STAT5B: variants seen among roughly 807,000 people sequenced by gnomAD.
STAT5B encodes the protein signal transducer and activator of transcription 5B, also known as transcription factor STAT5B.
A neutral mutation model predicts 107.8 loss-of-function variants in STAT5B; 21 were observed. That is an observed-to-expected ratio of 0.19 (90% CI 0.14 to 0.28). The LOEUF is 0.28. Ranked by LOEUF, STAT5B falls within the 10% of genes least tolerant of loss-of-function variation. The pLI, the probability that STAT5B is intolerant of heterozygous loss-of-function variation, is 1.00. For missense variants in STAT5B, 565 were observed against 1,008.2 expected (o/e 0.56, Z 5.95); for synonymous variants, 325 against 401.7 (o/e 0.81, Z 2.28).
rs780188398 is a variant in STAT5B at position 42,232,167 on chromosome 17, GT to G, written c.-10-31del. The G allele has an allele frequency of 2.5e-6, 4 of 1,604,436 alleles. No homozygotes were observed. The African/African-American group carries it at 4.0e-5, about 16-fold the overall frequency. On this transcript the variant is annotated intron_variant, in intron 1 of 18. Transcript: ENST00000293328. ...TGAACAAACAATCAGTGCTTTGGGC[GT>G]TTTTTCTTTATTTTCCCCTTACATC...
At chr17:42,204,300 TG>T (rs2080069354) in intron 16 of STAT5B, among the ~76,000 whole-genome samples, 1 of 152,110 alleles carries the variant, frequency 6.6e-6, no homozygotes, top group East Asian at 1.9e-4. Flanking sequence ...GGTAAGCAGG[TG>T]GTAAGAATGT....
chr17:42,212,681 A>C (rs1050484436), intron 12 of STAT5B, among the ~76,000 whole-genome samples: 7 of 152,266 alleles, frequency 4.6e-5, no homozygotes, highest in Non-Finnish European at 4.4e-5. Flanking sequence ...GGAAGAGTGG[A>C]AATTTTGAGT....
At chr17:42,277,955 A>G (rs1199229419), upstream of STAT5B, among the ~76,000 whole-genome samples, 2 of 151,712 alleles carry the variant, frequency 1.3e-5, no homozygotes, top group African/African-American at 2.4e-5. Context: ...ACGGGGTTTC[A>G]CCATGTTGGC....
At chr17:42,212,623 C>T (rs577603168) in intron 12 of STAT5B, among the ~76,000 whole-genome samples, 3 of 152,332 alleles carry the variant, frequency 2.0e-5, no homozygotes, top group East Asian at 1.9e-4. Context: ...TCATTGCCCT[C>T]GACTCCTTCT....
At chr17:42,281,393 G>T (rs2080795229), upstream of STAT5B, among the ~76,000 whole-genome samples, 1 of 152,132 alleles carries the variant, frequency 6.6e-6, no homozygotes. Context: ...ATACCCTTTT[G>T]AATCTTTTGT....
At chr17:42,224,981 T>C in intron 3 of STAT5B, 113 bp from the exon 4 acceptor site, 1 of 959,390 alleles carries the variant, frequency 1.0e-6, no homozygotes, top group Non-Finnish European at 1.7e-6. Context: ...GGAGGCACTG[T>C]TCCTCCAATA....
chr17:42,284,212 T>C, the STAT5B span, among the ~76,000 whole-genome samples: 1 of 151,254 alleles, frequency 6.6e-6, no homozygotes, highest in Admixed American at 6.6e-5. Context: ...GCAGACCTGA[T>C]CGTCAAGGGC....
chr17:42,263,003 TATATATATATATA>T (rs1567677410), intron 1 of STAT5B, among the ~76,000 whole-genome samples: 4 of 48,152 alleles, frequency 8.3e-5, no homozygotes, highest in African/African-American at 4.5e-4. Flanking sequence ...TATATATATA[TATATATATATATA>T]AAAAAACAAA....
At chr17:42,202,636 C>T (rs950797013) in intron 17 of STAT5B, 121 bp downstream of exon 17, 2 of 1,557,944 alleles carry the variant, frequency 1.3e-6, no homozygotes, top group East Asian at 4.5e-5. Context: ...CCAGGTCCTT[C>T]CCCAGGGCTG....
At chr17:42,272,129 C>G (rs930854011) in intron 1 of STAT5B, 2 of 152,154 alleles carry the variant, frequency 1.3e-5, no homozygotes, top group Non-Finnish European at 2.9e-5. Flanking sequence ...CTTAACTCAT[C>G]CTGCAACATT....
At chr17:42,243,048 G>C (rs929725872) in intron 1 of STAT5B, among the ~76,000 whole-genome samples, 6 of 151,372 alleles carry the variant, frequency 4.0e-5, no homozygotes, top group South Asian at 4.2e-4. Flanking sequence ...TTGTTTATCT[G>C]CTGACCTTCC....
intron 6 of STAT5B, 34 bp downstream of exon 6, chr17:42,219,677 AC>A: frequency 1.3e-6 from 2 of 1,583,178 alleles, no homozygotes; most frequent in Non-Finnish European, 1.7e-6. Flanking sequence ...ACTTCATGGC[AC>A]CCACGCCCAG....
intron 2 of STAT5B, among the ~76,000 whole-genome samples, chr17:42,230,666 TG>T (rs1232962338): frequency 2.6e-5 from 4 of 152,004 alleles, no homozygotes; most frequent in South Asian, 4.1e-4. Context: ...CGTTTAGTTT[TG>T]TTTTTTTTTT....
In STAT5B at chr17:42,218,615, G is replaced by C. The variant is rs548395782; in HGVS notation, c.989+108C>G. 2.7e-4 allele frequency: 429 copies of C among 1,587,356 alleles called. 7 individuals carry two copies. The East Asian group carries it at 9.2e-3, about 34-fold the overall frequency. On this transcript the variant is annotated intron_variant, in intron 8 of 18. Transcript: ENST00000293328. ...AGCAACTGGAGATGGAGTTGGGAGG[G>C]ATGAGAGGCAGGAAGTGGATCTGCT...
At chr17:42,258,702 A>G (rs545491730) in intron 1 of STAT5B, among the ~76,000 whole-genome samples, 1 of 152,330 alleles carries the variant, frequency 6.6e-6, no homozygotes, top group African/African-American at 2.4e-5. Context: ...AAACAAAACC[A>G]TTAAGATAAA....
In STAT5B at chr17:42,239,864, G is replaced by A. The variant is rs578259638; in HGVS notation, c.-10-7727C>T. On this transcript the variant is annotated intron_variant, in intron 1 of 18. Coordinates refer to ENST00000293328, the MANE Select transcript of STAT5B (RefSeq NM_012448.4). ...ACACAGGCCAGGTGCAGTGGCTCAC[G>A]CCTGTAATCCCAGCACTTTGGGACG... Among the ~76,000 whole-genome samples, 17 of 152,360 alleles carry A rather than the reference G, an allele frequency of 1.1e-4. No individual in the cohort carries two copies. The East Asian group carries it at 2.7e-3, about 24-fold the overall frequency.
Position 42,200,744 on chromosome 17 carries a change from A to C in STAT5B, c.*994T>G. ...AGAAAACAAAAAAGATCCAACTTAGAAACAGAACCATGATTCAACATTTGC... is the reference window on the plus strand; with the variant it reads ...AGAAAACAAAAAAGATCCAACTTAGCAACAGAACCATGATTCAACATTTGC... On this transcript the variant is annotated 3_prime_UTR_variant, in exon 19 of 19. Coordinates refer to ENST00000293328, the MANE Select transcript of STAT5B (RefSeq NM_012448.4). The C allele has an allele frequency of 4.3e-6, 1 of 230,116 alleles. No homozygotes were observed. The highest frequency in any genetic ancestry group is 8.4e-6 in the Non-Finnish European group (1 of 119,426). 14.3% of individuals were successfully genotyped at this position (230,116 alleles called of 1,614,324 possible). A position where few individuals can be genotyped will look rare whatever the true frequency, so the allele number is the denominator to read the frequency against.
At chr17:42,257,483 G>C (rs1345687446) in intron 1 of STAT5B, among the ~76,000 whole-genome samples, 1 of 152,174 alleles carries the variant, frequency 6.6e-6, no homozygotes, top group Non-Finnish European at 1.5e-5. Context: ...TCTTTATGGA[G>C]CTATTGTATG....
In STAT5B at chr17:42,218,749, C is replaced by T. The variant is rs759793357; in HGVS notation, c.963G>A (p.Thr321=). Residue 321 remains threonine, a synonymous_variant, in exon 8 of 19, where the codon ACG becomes ACA. Coordinates refer to ENST00000293328, the MANE Select transcript of STAT5B (RefSeq NM_012448.4). The part of the protein sequence containing the change: ...EMLAEVNATI[T]DIISALVTST... ...TGGTCACCAGGGCTGAGATAATGTC[C>T]GTGATGGTGGCGTTGACCTCGGCCA... The T allele has an allele frequency of 1.1e-5, 18 of 1,612,650 alleles. No individual in the cohort carries two copies. In the Admixed American group the frequency reaches 1.2e-4, roughly 10 times the overall value.
Sources: allele counts gnomAD v4.1 joint callset (sites outside exome capture counted in the v4.1 genomes callset), GRCh38; gene constraint gnomAD v4.1.1; transcripts MANE v1.5; gene names NCBI Gene and HGNC (gene_info 2026-07-23, HGNC 2026-07-21).